The following THSD7B variants were observed in gnomAD, a reference collection of about 807,000 sequenced individuals.
THSD7B encodes thrombospondin type-1 domain-containing protein 7B.
In THSD7B, 138 loss-of-function variants were observed where a neutral mutation model predicts 213.6. The ratio of observed to expected loss-of-function variants is 0.65; its 90% CI spans 0.56 to 0.74. The LOEUF is 0.74. Among genes scored for constraint, THSD7B ranks in the 30% least tolerant of loss-of-function variants. THSD7B has a pLI of 0.00. For synonymous variants in THSD7B, 742 were observed against 687.0 expected (o/e 1.08, Z -1.25); for missense variants, 1,931 against 1,991.5 (o/e 0.97, Z 0.58).
intron 1 of THSD7B, among the ~76,000 whole-genome samples, chr2:136,833,091 T>C (rs1682781538): frequency 6.6e-6 from 1 of 152,092 alleles, no homozygotes; most frequent in South Asian, 2.1e-4. Flanking sequence ...ATTGGCTGGG[T>C]GTGGTGGCTC....
intron 3 of THSD7B, among the ~76,000 whole-genome samples, chr2:137,067,214 A>G (rs1405310487): frequency 6.6e-6 from 1 of 152,076 alleles, no homozygotes; most frequent in Admixed American, 6.6e-5. Context: ...TAGCTTTTCA[A>G]ACTATGCTTT....
At chr2:137,518,196 G>A (rs1318212585) in intron 15 of THSD7B, among the ~76,000 whole-genome samples, 3 of 152,154 alleles carry the variant, frequency 2.0e-5, no homozygotes, top group Admixed American at 6.5e-5. Context: ...TGCACTGATG[G>A]CCTCATGGGG....
In THSD7B at chr2:137,051,458, C is replaced by T. The variant is rs151061985; in HGVS notation, c.140-4962C>T. On this transcript the variant is annotated intron_variant, in intron 2 of 27. Transcript: ENST00000409968. ...TATTTTAATTATTCCGTAGTTGATG[C>T]GGTAGCTTTTTGAGAAGTAAAAGTC... is the stretch of plus-strand genomic sequence containing the variant. 3.1e-3 allele frequency among the ~76,000 whole-genome samples: 475 copies of T among 152,206 alleles called. 3 individuals are homozygous for T. Among genetic ancestry groups the T allele is most frequent in the South Asian group, 0.016 (78 of 4,826 alleles).
chr2:137,570,779 G>T (rs777527798), intron 16 of THSD7B, among the ~76,000 whole-genome samples: 1 of 151,974 alleles, frequency 6.6e-6, no homozygotes, highest in Admixed American at 6.6e-5. Context: ...TAGTGCTAGG[G>T]ATCATGTCTG....
chr2:137,069,704 G>T (rs1424170382), intron 3 of THSD7B, among the ~76,000 whole-genome samples: 1 of 151,788 alleles, frequency 6.6e-6, no homozygotes, highest in Admixed American at 6.6e-5. Context: ...TGTTAAAGGA[G>T]ATTTAAATTT....
intron 1 of THSD7B, among the ~76,000 whole-genome samples, chr2:136,867,881 T>A (rs1045181423): frequency 6.6e-6 from 1 of 152,174 alleles, no homozygotes; most frequent in Non-Finnish European, 1.5e-5. Context: ...TATTTGTGTG[T>A]ACACACACAC....
chr2:137,115,135 GA>G lies in THSD7B; in HGVS notation c.1213del (p.Thr405LeufsTer22). The G allele has an allele frequency of 6.2e-7, 1 of 1,613,890 alleles. No individual in the cohort carries two copies. On this transcript the variant is annotated frameshift_variant, in exon 5 of 28. Transcript: ENST00000409968. LOFTEE classifies it high-confidence loss of function. ...ACCAAACCAAACAGGTATTCCTGGAGAACTTCTGAATGGAAAGAATGCCAAG... is the reference window on the plus strand; with the variant it reads ...ACCAAACCAAACAGGTATTCCTGGAGACTTCTGAATGGAAAGAATGCCAAG... ...LLQQCPRYSW[R>X]TSEWKECQVS... is the part of the protein sequence containing the mutation.
chr2:137,289,169 G>GT (rs1214319008), intron 12 of THSD7B, among the ~76,000 whole-genome samples: 5 of 151,522 alleles, frequency 3.3e-5, no homozygotes, highest in South Asian at 2.1e-4. Context: ...TACAAGACAT[G>GT]TTTTTTTTAA....
chr2:137,237,360 G>A (rs1681788947), intron 9 of THSD7B, among the ~76,000 whole-genome samples: 1 of 152,202 alleles, frequency 6.6e-6, no homozygotes, highest in African/African-American at 2.4e-5. Flanking sequence ...TGGGTTTCAA[G>A]GCTTCAGTTT....
intron 3 of THSD7B, among the ~76,000 whole-genome samples, chr2:137,058,322 A>G (rs753203755): frequency 1.3e-5 from 2 of 152,218 alleles, no homozygotes; most frequent in Non-Finnish European, 1.5e-5. Flanking sequence ...CAAAAGATTC[A>G]TGCAATTTGT....
At chr2:137,139,090 A>T (rs551015143) in intron 5 of THSD7B, among the ~76,000 whole-genome samples, 4 of 152,094 alleles carry the variant, frequency 2.6e-5, no homozygotes, top group South Asian at 4.1e-4. Flanking sequence ...TTTCAATTTT[A>T]TATTGGTTTT....
chr2:137,077,374 A>C (rs1449859780), intron 3 of THSD7B, among the ~76,000 whole-genome samples: 1 of 152,156 alleles, frequency 6.6e-6, no homozygotes, highest in Non-Finnish European at 1.5e-5. Flanking sequence ...CAGGATTTCT[A>C]ACTCTAGATC....
chr2:137,165,796 C>T (rs1680117500), intron 6 of THSD7B, among the ~76,000 whole-genome samples: 1 of 151,828 alleles, frequency 6.6e-6, no homozygotes, highest in African/African-American at 2.4e-5. Context: ...TGCATGCACA[C>T]ACATACACAC....
chr2:137,486,728 A>G (rs1688455070), intron 15 of THSD7B, among the ~76,000 whole-genome samples: 1 of 152,202 alleles, frequency 6.6e-6, no homozygotes, highest in Admixed American at 6.5e-5. Flanking sequence ...TCCAAAATTG[A>G]TCACATAGTT....
intron 1 of THSD7B, among the ~76,000 whole-genome samples, chr2:136,821,187 G>A (rs1682558183): frequency 6.7e-6 from 1 of 150,334 alleles, no homozygotes; most frequent in Non-Finnish European, 1.5e-5. Context: ...ACAGAGTCAC[G>A]TATTTACATG....
chr2:136,769,220 C>G (rs1681462450), intron 1 of THSD7B, among the ~76,000 whole-genome samples: 1 of 152,078 alleles, frequency 6.6e-6, no homozygotes, highest in Non-Finnish European at 1.5e-5. Context: ...GTAAGTATCT[C>G]TTGACAAAAG....
intron 12 of THSD7B, among the ~76,000 whole-genome samples, chr2:137,404,468 T>TAC (rs1433746813): frequency 4.2e-4 from 31 of 73,114 alleles, no homozygotes; most frequent in African/African-American, 1.2e-3. Flanking sequence ...TATATATATA[T>TAC]ATATATACAC....
intron 2 of THSD7B, among the ~76,000 whole-genome samples, chr2:136,889,502 C>A (rs1014809076): frequency 6.6e-6 from 1 of 152,216 alleles, no homozygotes; most frequent in African/African-American, 2.4e-5. Flanking sequence ...TTTAAATCAA[C>A]AAACAGTGCC....
At chr2:137,644,088 G>A (rs574509167) in intron 21 of THSD7B, among the ~76,000 whole-genome samples, 35 of 152,270 alleles carry the variant, frequency 2.3e-4, no homozygotes, top group African/African-American at 7.9e-4. Flanking sequence ...GATGGGTGGA[G>A]GGTTATGGCA....
Sources: allele counts gnomAD v4.1 joint callset (sites outside exome capture counted in the v4.1 genomes callset), GRCh38; gene constraint gnomAD v4.1.1; transcripts MANE v1.5; gene names NCBI Gene and HGNC (gene_info 2026-07-23, HGNC 2026-07-21).